The following SGCD variants were observed in gnomAD, a reference collection of about 807,000 sequenced individuals.
SGCD encodes the protein sarcoglycan delta.
A neutral mutation model predicts 36.6 loss-of-function variants in SGCD; 18 were observed. The observed-to-expected ratio is 0.49, with a 90% confidence interval of 0.34 to 0.73. The LOEUF (loss-of-function observed/expected upper bound fraction) is 0.73, where lower values mean the gene tolerates loss of function less well. SGCD is among the 30% of genes least tolerant of loss of function. The pLI is 0.01. For missense variants in SGCD, 387 were observed against 346.7 expected (o/e 1.12, Z -0.92); for synonymous variants, 133 against 130.6 (o/e 1.02, Z -0.12).
chr5:156,038,601 A>G (rs1003215193), intron 1 of SGCD, among the ~76,000 whole-genome samples: 3 of 151,718 alleles, frequency 2.0e-5, no homozygotes, highest in African/African-American at 7.3e-5. Context: ...AAAAAAAAAA[A>G]TGGCTCCCAC....
At chr5:155,733,499 GT>G in the SGCD span, among the ~76,000 whole-genome samples, 187 of 152,238 alleles carry the variant, frequency 1.2e-3, no homozygotes, top group East Asian at 0.029. Flanking sequence ...TTCAAGGGTG[GT>G]AATTGAGCCT....
intron 3 of SGCD, among the ~76,000 whole-genome samples, chr5:156,426,940 C>T (rs1188955379): frequency 6.6e-6 from 1 of 152,152 alleles, no homozygotes; most frequent in Non-Finnish European, 1.5e-5. Context: ...GTTTTGGTAA[C>T]TATAGCCTTG....
At chr5:155,729,741 T>G in the SGCD span, among the ~76,000 whole-genome samples, 1 of 152,220 alleles carries the variant, frequency 6.6e-6, no homozygotes, top group Admixed American at 6.5e-5. Context: ...ATGCGCTCCC[T>G]GCTCTCAGGC....
At chr5:156,258,905 G>A (rs1053099646) in intron 3 of SGCD, among the ~76,000 whole-genome samples, 1 of 151,848 alleles carries the variant, frequency 6.6e-6, no homozygotes, top group Non-Finnish European at 1.5e-5. Context: ...AGAGAGTAAA[G>A]GGGTTCTGAC....
intron 3 of SGCD, among the ~76,000 whole-genome samples, chr5:156,404,977 G>A (rs568833195): frequency 6.6e-6 from 1 of 152,114 alleles, no homozygotes; most frequent in Non-Finnish European, 1.5e-5. Flanking sequence ...TGCAATTAAG[G>A]CTACTAATCA....
chr5:155,816,183 A>G, the SGCD span, among the ~76,000 whole-genome samples: 10 of 152,150 alleles, frequency 6.6e-5, no homozygotes, highest in African/African-American at 2.4e-4. Context: ...AAAATACATC[A>G]ATTACAGTGG....
Position 156,183,745 on chromosome 5 carries a change from T to G in SGCD, c.-44+59726T>G, listed in dbSNP as rs939382004. On this transcript the variant is annotated intron_variant, in intron 3 of 9. Coordinates refer to the SGCD transcript ENST00000517913. ...TTAAAGGCCACATATGGCTACAAATTTAATTAAAAATGTGATGGAACTCTA... is the reference window on the plus strand; with the variant it reads ...TTAAAGGCCACATATGGCTACAAATGTAATTAAAAATGTGATGGAACTCTA... Among the ~76,000 whole-genome samples the G allele has an allele frequency of 7.9e-5, 12 of 152,196 alleles. No homozygotes were observed. In the East Asian group the frequency reaches 2.3e-3, roughly 29 times the overall value.
chr5:156,046,192 C>G (rs4418084), intron 1 of SGCD, among the ~76,000 whole-genome samples: 17,195 of 152,030 alleles, frequency 0.11, 2,739 homozygotes, highest in African/African-American at 0.35. Context: ...GCTTCATTTC[C>G]TATATTAGAC....
At chr5:155,996,946 T>C (rs113656347) in intron 1 of SGCD, among the ~76,000 whole-genome samples, 17 of 151,004 alleles carry the variant, frequency 1.1e-4, no homozygotes, top group South Asian at 2.1e-4. Flanking sequence ...GACAGACAGA[T>C]AGATAGATAC....
chr5:156,352,118 T>C (rs923402167), intron 3 of SGCD, among the ~76,000 whole-genome samples: 3 of 152,192 alleles, frequency 2.0e-5, no homozygotes, highest in Non-Finnish European at 4.4e-5. Context: ...CCAATCAGAA[T>C]AACCTGGCCT....
intron 3 of SGCD, among the ~76,000 whole-genome samples, chr5:156,184,371 G>GT (rs3036754): frequency 0.031 from 4,360 of 141,278 alleles, 142 homozygotes; most frequent in African/African-American, 0.083. Flanking sequence ...CAAGCAGCCA[G>GT]TTTTTTTTTT....
chr5:156,320,367 G>T (rs191590172), intron 3 of SGCD, among the ~76,000 whole-genome samples: 1 of 152,150 alleles, frequency 6.6e-6, no homozygotes, highest in East Asian at 1.9e-4. Context: ...ATGTAGTCTA[G>T]CTTCCTTTTA....
At chr5:156,029,848 G>A (rs78572134) in intron 1 of SGCD, among the ~76,000 whole-genome samples, 9 of 151,542 alleles carry the variant, frequency 5.9e-5, no homozygotes, top group South Asian at 2.1e-4. Context: ...ACAATATTTC[G>A]TTCATACAGC....
At chr5:156,612,563 T>C (rs867118935) in intron 6 of SGCD, among the ~76,000 whole-genome samples, 1 of 152,244 alleles carries the variant, frequency 6.6e-6, no homozygotes, top group Non-Finnish European at 1.5e-5. Flanking sequence ...CAGCTGTGTG[T>C]CACCTTCCCC....
At chr5:156,179,183 A>G (rs1289016270) in intron 3 of SGCD, among the ~76,000 whole-genome samples, 1 of 151,940 alleles carries the variant, frequency 6.6e-6, no homozygotes, top group Non-Finnish European at 1.5e-5. Flanking sequence ...TACTATTAAC[A>G]TTTTCTATGT....
At chr5:156,151,924 T>C (rs1762844282) in intron 3 of SGCD, among the ~76,000 whole-genome samples, 1 of 151,404 alleles carries the variant, frequency 6.6e-6, no homozygotes, top group Non-Finnish European at 1.5e-5. Context: ...GATTTTGTGA[T>C]TCATAAACAG....
rs149526023 is a variant in SGCD, at chr5:156,571,661, T to G, written c.295-17570T>G. 1.1e-3 allele frequency among the ~76,000 whole-genome samples: 165 copies of G among 152,316 alleles called. 1 individual carries two copies. Among genetic ancestry groups the G allele is most frequent in the African/African-American group, 3.7e-3 (153 of 41,580 alleles). The stretch of plus-strand genomic sequence containing the variant: ...TCCGTGGCCTGCTTCTAGATCCTTA[T>G]GCCAGCAAGCCTTTGGCTACAGCCT... On this transcript the variant is annotated intron_variant, in intron 4 of 8. Transcript: ENST00000337851.
intron 2 of SGCD, among the ~76,000 whole-genome samples, chr5:156,338,064 T>G (rs1768451065): frequency 6.6e-6 from 1 of 152,152 alleles, no homozygotes; most frequent in South Asian, 2.1e-4. Context: ...AGCTCTGCCT[T>G]ATGGTAGAGT....
At chr5:156,253,159 A>G (rs760981039) in intron 3 of SGCD, among the ~76,000 whole-genome samples, 4 of 152,212 alleles carry the variant, frequency 2.6e-5, no homozygotes, top group Non-Finnish European at 5.9e-5. Context: ...AGAGGGCTTC[A>G]TGAAGAACCA....
Sources: allele counts gnomAD v4.1 joint callset (sites outside exome capture counted in the v4.1 genomes callset), GRCh38; gene constraint gnomAD v4.1.1; transcripts MANE v1.5; gene names NCBI Gene and HGNC (gene_info 2026-07-23, HGNC 2026-07-21).